The following SLC25A48 variants were observed in gnomAD, a reference collection of about 807,000 sequenced individuals.
The protein encoded by SLC25A48 is solute carrier family 25 member 48, also known as CTC-321K16.1.
A neutral mutation model predicts 32.2 loss-of-function variants in SLC25A48; 29 were observed. The observed-to-expected ratio is 0.90, with a 90% CI of 0.67 to 1.23. The LOEUF (loss-of-function observed/expected upper bound fraction) is 1.23, where lower values mean the gene tolerates loss of function less well. Among genes scored for constraint, SLC25A48 ranks in the 50% most tolerant of loss-of-function variants. The probability of loss-of-function intolerance (pLI) is 0.00; values close to 1 mark genes in which losing one functional copy is unlikely to be tolerated. For missense variants in SLC25A48, 399 were observed against 422.7 expected, an observed-to-expected ratio of 0.94 and a Z score of 0.49; for synonymous variants, 164 against 172.3, an observed-to-expected ratio of 0.95 and a Z score of 0.38.
At chr5:135,600,319 C>T (rs1442363981) in intron 1 of SLC25A48, among the ~76,000 whole-genome samples, 1 of 152,232 alleles carries the variant, frequency 6.6e-6, no homozygotes, top group Non-Finnish European at 1.5e-5. Context: ...CTCGGCTGCT[C>T]ACTGCCCAAG....
At chr5:135,640,147 T>C (rs1752797852) in intron 3 of SLC25A48, among the ~76,000 whole-genome samples, 1 of 152,120 alleles carries the variant, frequency 6.6e-6, no homozygotes, top group Non-Finnish European at 1.5e-5. Flanking sequence ...TGAACTAGAT[T>C]AACAGGAGAT....
chr5:135,850,587 G>A, intron 3 of SLC25A48, 91 bp downstream of exon 3: 2 of 1,218,902 alleles, frequency 1.6e-6, no homozygotes, highest in Non-Finnish European at 2.4e-6. Context: ...CATGCAGGTG[G>A]GGGCCTCTCA....
At chr5:135,878,384 T>C (rs1456613564) in intron 6 of SLC25A48, among the ~76,000 whole-genome samples, 2 of 152,220 alleles carry the variant, frequency 1.3e-5, no homozygotes, top group Non-Finnish European at 2.9e-5. Context: ...TTCCTGGCTG[T>C]TATTCAGTCA....
At chr5:135,764,665 G>T (rs558158763) in intron 3 of SLC25A48, among the ~76,000 whole-genome samples, 1 of 147,966 alleles carries the variant, frequency 6.8e-6, no homozygotes, top group Non-Finnish European at 1.5e-5. Flanking sequence ...TTCCCATATC[G>T]CAGAGGGTGT....
chr5:135,627,941 G>A (rs11748631), intron 1 of SLC25A48, among the ~76,000 whole-genome samples: 13,580 of 152,192 alleles, frequency 0.089, 620 homozygotes, highest in South Asian at 0.14. Context: ...GGCCTGAGAT[G>A]AAGGATACAG....
chr5:135,612,570 CT>C (rs1752098568), intron 1 of SLC25A48, among the ~76,000 whole-genome samples: 1 of 152,216 alleles, frequency 6.6e-6, no homozygotes. Context: ...CCTCTGGTAT[CT>C]ATCATTCTAC....
At position 135,653,272 on chromosome 5, in the gene SLC25A48, G is replaced by C. The variant is rs117454817; in HGVS notation, c.-521+18316G>C. 2.2e-4 allele frequency among the ~76,000 whole-genome samples: 34 copies of C among 152,332 alleles called. No individual in the cohort carries two copies. The East Asian group carries it at 5.6e-3, about 25-fold the overall frequency. ...GGCAGAATAAGAAGTTACTCTACTG[G>C]CTGGAGTGATTGATCCTGATTACCA... On this transcript the variant is annotated intron_variant, in intron 3 of 10. Coordinates refer to the SLC25A48 transcript ENST00000646290.
chr5:135,586,539 G>A (rs1751370156), intron 1 of SLC25A48, among the ~76,000 whole-genome samples: 1 of 152,312 alleles, frequency 6.6e-6, no homozygotes, highest in South Asian at 2.1e-4. Context: ...CAGACATGGA[G>A]CCTTCTGGGT....
chr5:135,759,250 A>G (rs1428004746), intron 3 of SLC25A48, among the ~76,000 whole-genome samples: 1 of 152,176 alleles, frequency 6.6e-6, no homozygotes, highest in African/African-American at 2.4e-5. Context: ...ATAAATCATT[A>G]ATACCATACA....
intron 4 of SLC25A48, among the ~76,000 whole-genome samples, chr5:135,857,572 G>C (rs1760435275): frequency 6.6e-6 from 1 of 152,250 alleles, no homozygotes; most frequent in African/African-American, 2.4e-5. Flanking sequence ...GCCAGGCACA[G>C]GGCTATGTGC....
rs139623745 is a variant in SLC25A48, at chr5:135,813,485, G to A, written c.-117+559G>A. Among the ~76,000 whole-genome samples, 1,262 of 152,282 alleles carry A rather than the reference G, an allele frequency of 8.3e-3. 18 individuals are homozygous for A. The highest frequency in any genetic ancestry group is 0.012 in the Non-Finnish European group (815 of 68,016). On this transcript the variant is annotated intron_variant, in intron 4 of 10. Coordinates refer to the SLC25A48 transcript ENST00000646290. ...AGATGACACTGTCTGATAGGTGAGA[G>A]ATGTCAGGGCCATAGATGGGGCGAG...
chr5:135,595,833 A>G (rs752880306), intron 1 of SLC25A48, among the ~76,000 whole-genome samples: 1 of 152,242 alleles, frequency 6.6e-6, no homozygotes, highest in African/African-American at 2.4e-5. Flanking sequence ...GTTAACTGTC[A>G]TTATCATAAT....
chr5:135,885,714 T>C (rs56367331), intron 7 of SLC25A48, among the ~76,000 whole-genome samples: 3,555 of 152,204 alleles, frequency 0.023, 135 homozygotes, highest in African/African-American at 0.081. Flanking sequence ...AAGCATAAAT[T>C]AATGGGCAAA....
chr5:135,784,057 C>A lies in SLC25A48; in HGVS notation c.-520-28466C>A, dbSNP rs187472167. 1.0e-3 allele frequency among the ~76,000 whole-genome samples: 115 copies of A among 112,154 alleles called. 12 individuals are homozygous for A. The highest frequency in any genetic ancestry group is 2.9e-3 in the African/African-American group (108 of 36,772). The allele number at this position is 112,154 out of a possible 152,430, so 73.6% of individuals were successfully genotyped here. On this transcript the variant is annotated intron_variant, in intron 3 of 10. Coordinates refer to the SLC25A48 transcript ENST00000646290. ...ATCCAGGTAAAGAGAGGGTGATATT[C>A]CTGTCAATATCGCAGGAGGTGTACA...
chr5:135,689,115 G>A (rs1754086578), intron 3 of SLC25A48, among the ~76,000 whole-genome samples: 1 of 152,204 alleles, frequency 6.6e-6, no homozygotes, highest in Non-Finnish European at 1.5e-5. Context: ...ATGCTTTGCT[G>A]CTTCTGATCA....
intron 3 of SLC25A48, among the ~76,000 whole-genome samples, chr5:135,708,563 G>A (rs575786604): frequency 5.9e-5 from 9 of 152,330 alleles, no homozygotes; most frequent in Non-Finnish European, 1.0e-4. Flanking sequence ...CTGTGTTAAT[G>A]GTGGAGTGTC....
chr5:135,647,749 C>T (rs1012380859), intron 3 of SLC25A48, among the ~76,000 whole-genome samples: 3 of 152,186 alleles, frequency 2.0e-5, no homozygotes, highest in African/African-American at 7.2e-5. Context: ...CCTTCCTCAC[C>T]ATCCCAAGCC....
rs140360686 is a variant in SLC25A48 at position 135,735,489 on chromosome 5, G to C, written c.-520-77034G>C. The stretch of plus-strand genomic sequence containing the variant: ...GAGCCATGAACTGGGCTGAGTTTTC[G>C]TCTTTACCTTGGGTAGTTTCTTTAA... On this transcript the variant is annotated intron_variant, in intron 3 of 10. Coordinates refer to the SLC25A48 transcript ENST00000646290. Among the ~76,000 whole-genome samples, 138 of 152,256 alleles carry C rather than the reference G, an allele frequency of 9.1e-4. 1 individual carries two copies. The East Asian group carries it at 0.021, about 24-fold the overall frequency.
chr5:135,714,383 C>T (rs1025322396), intron 3 of SLC25A48, among the ~76,000 whole-genome samples: 1 of 152,218 alleles, frequency 6.6e-6, no homozygotes, highest in African/African-American at 2.4e-5. Flanking sequence ...ATGTCTCTCC[C>T]CATGCAGTGC....
Sources: gnomAD v4.1 joint callset for allele counts (sites outside exome capture counted in the v4.1 genomes callset) on GRCh38, gnomAD v4.1.1 for gene constraint, MANE v1.5 for transcripts, NCBI Gene and HGNC (gene_info 2026-07-23, HGNC 2026-07-21) for gene names.